Variants in GPM6A observed in about 807,000 individuals in gnomAD.
GPM6A encodes neuronal membrane glycoprotein M6-a.
Under a neutral mutation model 32.1 loss-of-function variants are expected in GPM6A, and 7 were observed. The observed-to-expected ratio is 0.22, with a 90% CI of 0.12 to 0.41. The LOEUF (loss-of-function observed/expected upper bound fraction) is 0.41. Among genes scored for constraint, GPM6A ranks in the 10% least tolerant of loss-of-function variants. GPM6A has a pLI of 1.00. For synonymous variants in GPM6A, 130 were observed against 123.4 expected (o/e 1.05, Z -0.35); for missense variants, 235 against 347.2 (o/e 0.68, Z 2.57).
chr4:175,998,443 A>G (rs957098764), intron 1 of GPM6A, among the ~76,000 whole-genome samples: 1 of 152,228 alleles, frequency 6.6e-6, no homozygotes, highest in South Asian at 2.1e-4. Context: ...GGCGTGAGCC[A>G]CCGCACCCGG....
chr4:175,767,421 G>C (rs1385147448), intron 1 of GPM6A, among the ~76,000 whole-genome samples: 3 of 152,182 alleles, frequency 2.0e-5, no homozygotes, highest in Admixed American at 6.5e-5. Flanking sequence ...ACTATGTACA[G>C]CAAATCTTTG....
At chr4:175,799,087 T>C (rs1734356079) in intron 1 of GPM6A, among the ~76,000 whole-genome samples, 1 of 152,184 alleles carries the variant, frequency 6.6e-6, no homozygotes. Flanking sequence ...TTTTTCATTT[T>C]GCAAAATGGG....
At chr4:175,997,192 C>G (rs1741335030) in intron 1 of GPM6A, among the ~76,000 whole-genome samples, 1 of 152,112 alleles carries the variant, frequency 6.6e-6, no homozygotes, top group Non-Finnish European at 1.5e-5. Context: ...GATTGCTCAG[C>G]AGACAGTCAG....
At chr4:175,733,074 G>A (rs1731501969) in intron 1 of GPM6A, among the ~76,000 whole-genome samples, 1 of 152,072 alleles carries the variant, frequency 6.6e-6, no homozygotes, top group African/African-American at 2.4e-5. Context: ...TCCTCATGAA[G>A]TTTTTAGCCC....
chr4:175,749,359 G>A (rs1732229648), intron 1 of GPM6A, among the ~76,000 whole-genome samples: 1 of 152,130 alleles, frequency 6.6e-6, no homozygotes, highest in Non-Finnish European at 1.5e-5. Context: ...AATGAAGTGA[G>A]CACATGTCAA....
chr4:175,792,424 G>T (rs1280171783), intron 1 of GPM6A, among the ~76,000 whole-genome samples: 1 of 152,030 alleles, frequency 6.6e-6, no homozygotes, highest in Non-Finnish European at 1.5e-5. Flanking sequence ...ATTAAATGAA[G>T]AAAATAGCCA....
At chr4:175,867,831 C>T (rs1387967016) in intron 1 of GPM6A, among the ~76,000 whole-genome samples, 1 of 152,150 alleles carries the variant, frequency 6.6e-6, no homozygotes, top group Non-Finnish European at 1.5e-5. Context: ...TATTTCCCTT[C>T]CCCCAGATCA....
intron 3 of GPM6A, chr4:175,654,466 A>G (rs541763408): frequency 1.2e-4 from 18 of 152,186 alleles, no homozygotes; most frequent in South Asian, 6.2e-4. Flanking sequence ...TGACAAAAAT[A>G]TTAGCTATTT....
chr4:175,748,755 C>T (rs576036600), intron 1 of GPM6A, among the ~76,000 whole-genome samples: 1 of 152,272 alleles, frequency 6.6e-6, no homozygotes, highest in Admixed American at 6.5e-5. Context: ...CAGGCATTGA[C>T]TTCTCCTCTA....
intron 1 of GPM6A, among the ~76,000 whole-genome samples, chr4:175,873,590 G>A (rs1044143852): frequency 9.9e-5 from 15 of 152,028 alleles, no homozygotes; most frequent in East Asian, 5.8e-4. Context: ...TTTTCTCATA[G>A]ACAACTAACA....
chr4:175,895,981 T>C (rs1437596270), intron 1 of GPM6A, among the ~76,000 whole-genome samples: 2 of 152,208 alleles, frequency 1.3e-5, no homozygotes, highest in Non-Finnish European at 2.9e-5. Context: ...GGCCTTTTCC[T>C]ATGACCTTTA....
At chr4:175,889,734 A>AC (rs1737580167) in intron 1 of GPM6A, among the ~76,000 whole-genome samples, 1 of 151,374 alleles carries the variant, frequency 6.6e-6, no homozygotes, top group Admixed American at 6.6e-5. Flanking sequence ...AATGGCGTGA[A>AC]CCCGGGAGGC....
At chr4:175,737,972 T>A (rs965375228) in intron 1 of GPM6A, among the ~76,000 whole-genome samples, 3 of 151,822 alleles carry the variant, frequency 2.0e-5, no homozygotes, top group Middle Eastern at 3.4e-3. Context: ...AGTTTCGTTC[T>A]TGTTGCCCAG....
intron 1 of GPM6A, among the ~76,000 whole-genome samples, chr4:175,912,278 C>A (rs1738345148): frequency 6.6e-6 from 1 of 152,008 alleles, no homozygotes; most frequent in South Asian, 2.1e-4. Flanking sequence ...ATTCAATATA[C>A]AAGGAAGATG....
At chr4:175,901,785 C>A (rs1354743275) in intron 1 of GPM6A, among the ~76,000 whole-genome samples, 1 of 151,776 alleles carries the variant, frequency 6.6e-6, no homozygotes, top group African/African-American at 2.4e-5. Flanking sequence ...AGCCACCACG[C>A]CCAGCTAATT....
At position 175,635,067 on chromosome 4, in the gene GPM6A, G is replaced by A. The variant is rs754088053; in HGVS notation, c.685-10C>T. 4 of 1,609,960 alleles carry A rather than the reference G, an allele frequency of 2.5e-6. No individual in the cohort carries two copies. The South Asian group carries it at 3.3e-5, about 13-fold the overall frequency. ...CCATAAGGTAGTGAACCTAATCAAA[G>A]AGAAAAATAATTTATATTGGAAGTT... On this transcript the variant is annotated splice_polypyrimidine_tract_variant and intron_variant, in intron 6 of 6. Transcript: ENST00000393658.
intron 1 of GPM6A, among the ~76,000 whole-genome samples, chr4:175,974,736 G>A (rs923103122): frequency 4.0e-5 from 6 of 151,400 alleles, no homozygotes; most frequent in African/African-American, 1.5e-4. Context: ...AGGCTGGAGT[G>A]CAGTAGCACA....
intron 1 of GPM6A, among the ~76,000 whole-genome samples, chr4:175,915,010 A>G (rs1738445666): frequency 6.6e-6 from 1 of 152,186 alleles, no homozygotes; most frequent in Non-Finnish European, 1.5e-5. Context: ...ATGTTGAAAG[A>G]TATTGCCAAA....
At chr4:175,893,258 G>A (rs1022133230) in intron 1 of GPM6A, among the ~76,000 whole-genome samples, 2 of 152,114 alleles carry the variant, frequency 1.3e-5, no homozygotes, top group African/African-American at 4.8e-5. Flanking sequence ...GAACTTTATT[G>A]ATAATACTAG....
Sources: gnomAD v4.1 joint callset for allele counts (sites outside exome capture counted in the v4.1 genomes callset) on GRCh38, gnomAD v4.1.1 for gene constraint, MANE v1.5 for transcripts, NCBI Gene and HGNC (gene_info 2026-07-23, HGNC 2026-07-21) for gene names.